Variants in DAPK1 observed in about 807,000 individuals in gnomAD.
The protein encoded by DAPK1 is death associated protein kinase 1, also known as death-associated protein kinase 1.
A neutral mutation model predicts 144.9 loss-of-function variants in DAPK1; 56 were observed. The observed-to-expected ratio is 0.39, with a 90% CI of 0.31 to 0.48. The LOEUF is 0.48. DAPK1 is among the 20% of genes least tolerant of loss of function. DAPK1 has a pLI of 0.95. For missense variants in DAPK1, 1,454 were observed against 1,875.4 expected (o/e 0.78, Z 4.15); for synonymous variants, 690 against 749.0 (o/e 0.92, Z 1.29).
chr9:87,649,317 C>T (rs1830367423), intron 15 of DAPK1, among the ~76,000 whole-genome samples: 1 of 152,178 alleles, frequency 6.6e-6, no homozygotes, highest in Admixed American at 6.5e-5. Flanking sequence ...ATATATGTAT[C>T]TAGCGATGTT....
Position 87,697,219 on chromosome 9 carries a change from T to G in DAPK1, c.2611+15T>G. The G allele has an allele frequency of 8.1e-7, 1 of 1,235,006 alleles. No homozygotes were observed. The highest frequency in any genetic ancestry group is 1.2e-6 in the Non-Finnish European group (1 of 836,008). 76.5% of individuals were successfully genotyped at this position (1,235,006 alleles called of 1,614,324 possible). On this transcript the variant is annotated intron_variant, in intron 22 of 25. Coordinates refer to ENST00000408954, the MANE Select transcript of DAPK1 (RefSeq NM_004938.4). ...AGAACCCATAGGTGAGCTAAGTCCC[T>G]GCAGGCCAGTGATGTCCTACCTGTG...
Position 87,499,067 on chromosome 9 carries a change from G to C in DAPK1, c.-11G>C. The C allele has an allele frequency of 6.2e-7, 1 of 1,613,984 alleles. No homozygotes were observed. Among genetic ancestry groups the C allele is most frequent in the Non-Finnish European group, 8.5e-7 (1 of 1,179,892 alleles). ...AGTGCCCTGGGCTTTGGTGAGGCGT[G>C]ACAGTTTATCATGACCGTGTTCAGG... On this transcript the variant is annotated 5_prime_UTR_variant, in exon 2 of 26. Coordinates refer to ENST00000408954, the MANE Select transcript of DAPK1 (RefSeq NM_004938.4).
intron 16 of DAPK1, 105 bp from the exon 17 acceptor site, chr9:87,651,422 T>C: frequency 3.7e-6 from 4 of 1,093,632 alleles, no homozygotes; most frequent in Non-Finnish European, 5.6e-6. Context: ...TTAGTAGTGA[T>C]CTTGTTGCCA....
intron 22 of DAPK1, chr9:87,698,406 A>G (rs1250272109): frequency 1.7e-5 from 7 of 402,468 alleles, no homozygotes; most frequent in Non-Finnish European, 4.5e-6. Flanking sequence ...AACTGCCTTT[A>G]GTCATTCTGG....
In DAPK1 at chr9:87,658,039, C is replaced by A; in HGVS notation, c.1835C>A (p.Thr612Lys). 1 of 1,399,446 alleles carries A rather than the reference C, an allele frequency of 7.1e-7. No homozygotes were observed. Among genetic ancestry groups the A allele is most frequent in the Non-Finnish European group, 1.0e-6 (1 of 985,432 alleles). 86.7% of individuals were successfully genotyped at this position (1,399,446 alleles called of 1,614,324 possible). A position where few individuals can be genotyped will look rare whatever the true frequency, so the allele number is the denominator to read the frequency against. Residue 612 changes from threonine to lysine, a missense_variant, in exon 18 of 26, where the codon ACG becomes AAG. By Grantham distance (78) the Thr-to-Lys change is moderately conservative (BLOSUM62 -1). This residue lies in a region of DAPK1 where 1,025 missense variants were observed against 1,237.9 expected (regional missense o/e 0.83). Transcript: ENST00000408954. ...TTTCTCTCTTCCCAGTATGGGCGAA[C>A]GCCTCTGCACCTTGCGGCCAACAAC... is the stretch of plus-strand genomic sequence containing the variant. ...NLDISNKYGR[T>K]PLHLAANNGI...
At chr9:87,650,343 A>G in intron 16 of DAPK1, 1 of 516,366 alleles carries the variant, frequency 1.9e-6, no homozygotes, top group Non-Finnish European at 3.4e-6. Context: ...TGATCAATTG[A>G]CTTTGGTCTC....
In DAPK1 at chr9:87,504,556, C is replaced by T. The variant is rs146987807; in HGVS notation, c.62+5417C>T. Among the ~76,000 whole-genome samples the T allele has an allele frequency of 1.1e-4, 17 of 152,232 alleles. No individual in the cohort carries two copies. In the East Asian group the frequency reaches 2.3e-3, roughly 21 times the overall value. On this transcript the variant is annotated intron_variant, in intron 2 of 25. Transcript: ENST00000408954. ...CTTTTACCCTCAGCTTGTGTCTCCC[C>T]GGCCAATGAGGAAACTGAAGGCCCC... is the stretch of plus-strand genomic sequence containing the variant.
intron 2 of DAPK1, among the ~76,000 whole-genome samples, chr9:87,547,478 A>G (rs79273215): frequency 0.029 from 4,396 of 152,232 alleles, 193 homozygotes; most frequent in African/African-American, 0.097. Flanking sequence ...TGCATTTTTA[A>G]TTTTTGTGGA....
intron 2 of DAPK1, among the ~76,000 whole-genome samples, chr9:87,511,201 T>A (rs569277840): frequency 6.6e-6 from 1 of 152,324 alleles, no homozygotes; most frequent in Non-Finnish European, 1.5e-5. Flanking sequence ...CCTTTGCTTG[T>A]CTGTTCCATT....
intron 2 of DAPK1, among the ~76,000 whole-genome samples, chr9:87,545,682 A>T (rs1826224925): frequency 6.6e-6 from 1 of 152,100 alleles, no homozygotes. Flanking sequence ...AGTAGCTGGG[A>T]TTACAGGCAT....
intron 2 of DAPK1, among the ~76,000 whole-genome samples, chr9:87,515,321 G>T (rs934901352): frequency 6.6e-6 from 1 of 152,194 alleles, no homozygotes; most frequent in Non-Finnish European, 1.5e-5. Flanking sequence ...GCAATGGTCT[G>T]GATTTACCCT....
intron 2 of DAPK1, among the ~76,000 whole-genome samples, chr9:87,512,727 T>C (rs1824895873): frequency 6.6e-6 from 1 of 152,084 alleles, no homozygotes; most frequent in African/African-American, 2.4e-5. Context: ...CACTGCAACC[T>C]CCGCCTTCCA....
chr9:87,523,093 T>C (rs1022616861), intron 2 of DAPK1, among the ~76,000 whole-genome samples: 2 of 152,202 alleles, frequency 1.3e-5, no homozygotes, highest in African/African-American at 4.8e-5. Context: ...TGTGATAAAA[T>C]GTGAAACTTG....
intron 2 of DAPK1, chr9:87,525,204 T>A: frequency 1.2e-6 from 1 of 841,292 alleles, no homozygotes; most frequent in Non-Finnish European, 2.0e-6. Context: ...ACCAGAACTT[T>A]CTGCGTCTGT....
chr9:87,598,435 C>A (rs1175022650), intron 2 of DAPK1, among the ~76,000 whole-genome samples: 3 of 151,996 alleles, frequency 2.0e-5, no homozygotes, highest in Non-Finnish European at 4.4e-5. Context: ...TCGGTAGATG[C>A]ATATTTAAAG....
intron 2 of DAPK1, among the ~76,000 whole-genome samples, chr9:87,561,081 G>A (rs1257223004): frequency 6.6e-6 from 1 of 151,894 alleles, no homozygotes; most frequent in African/African-American, 2.4e-5. Context: ...TTACTTTTTT[G>A]TCCTTTCCCT....
chr9:87,575,081 G>A (rs1006781251), intron 2 of DAPK1, among the ~76,000 whole-genome samples: 7 of 150,700 alleles, frequency 4.6e-5, no homozygotes, highest in Non-Finnish European at 7.4e-5. Flanking sequence ...TTAGCCAGGC[G>A]TAGTGGTGTG....
At chr9:87,515,175 T>G in intron 2 of DAPK1, among the ~76,000 whole-genome samples, 1 of 152,226 alleles carries the variant, frequency 6.6e-6, no homozygotes, top group East Asian at 1.9e-4. Flanking sequence ...GCAGACATTT[T>G]ATGTAAAGAT....
At chr9:87,647,866 C>T (rs36213347) in intron 14 of DAPK1, among the ~76,000 whole-genome samples, 4 of 152,146 alleles carry the variant, frequency 2.6e-5, no homozygotes, top group South Asian at 2.1e-4. Flanking sequence ...TTTGGCACAA[C>T]GGTGTTATAA....
Sources: gnomAD v4.1 joint callset for allele counts (sites outside exome capture counted in the v4.1 genomes callset) on GRCh38, gnomAD v4.1.1 for gene constraint, gnomAD v4.1.1 regional missense constraint, MANE v1.5 for transcripts, NCBI Gene and HGNC (gene_info 2026-07-23, HGNC 2026-07-21) for gene names.